PPFIA2: variants seen among roughly 807,000 people sequenced by gnomAD.
The protein encoded by PPFIA2 is PPFI scaffold protein A2, also known as liprin-alpha-2.
Under a neutral mutation model 175.5 loss-of-function variants are expected in PPFIA2, and 46 were observed. The ratio of observed to expected loss-of-function variants is 0.26; its 90% CI spans 0.21 to 0.34. The LOEUF (loss-of-function observed/expected upper bound fraction) is 0.34, where lower values mean the gene tolerates loss of function less well. Ranked by LOEUF, PPFIA2 falls within the 10% of genes least tolerant of loss-of-function variation. The pLI, the probability that PPFIA2 is intolerant of heterozygous loss-of-function variation, is 1.00. For synonymous variants in PPFIA2, 568 were observed against 511.4 expected, an observed-to-expected ratio of 1.11 and a Z score of -1.49; for missense variants, 1,179 against 1,506.1, an observed-to-expected ratio of 0.78 and a Z score of 3.60.
chr12:81,671,365 A>G (rs1410069587), intron 4 of PPFIA2, among the ~76,000 whole-genome samples: 2 of 151,890 alleles, frequency 1.3e-5, no homozygotes, highest in Non-Finnish European at 2.9e-5. Flanking sequence ...TTTATTAACC[A>G]TCTAATTTTT....
intron 3 of PPFIA2, among the ~76,000 whole-genome samples, chr12:81,690,762 G>T (rs1479697046): frequency 2.0e-5 from 3 of 152,074 alleles, no homozygotes; most frequent in African/African-American, 7.2e-5. Context: ...TAAAAATCAA[G>T]GTGTTGGCAG....
chr12:81,678,028 A>G (rs2059633762), intron 3 of PPFIA2, among the ~76,000 whole-genome samples: 1 of 151,906 alleles, frequency 6.6e-6, no homozygotes, highest in South Asian at 2.1e-4. Flanking sequence ...CCCAAATGAA[A>G]AAAACACAAC....
At chr12:81,535,514 A>G (rs2065245363) in intron 4 of PPFIA2, 1 of 453,530 alleles carries the variant, frequency 2.2e-6, no homozygotes, top group Non-Finnish European at 4.4e-6. Context: ...TGAGACACCT[A>G]AAATGAAGAA....
intron 4 of PPFIA2, among the ~76,000 whole-genome samples, chr12:81,562,075 A>G (rs2070218953): frequency 6.6e-6 from 1 of 152,188 alleles, no homozygotes; most frequent in African/African-American, 2.4e-5. Context: ...CTTTTATTCT[A>G]AAGTTTTGTT....
chr12:81,752,115 C>T (rs1352385404), intron 3 of PPFIA2, among the ~76,000 whole-genome samples: 1 of 152,156 alleles, frequency 6.6e-6, no homozygotes, highest in Non-Finnish European at 1.5e-5. Flanking sequence ...CACACTGCAG[C>T]ATCTATGCAA....
At chr12:81,535,017 C>T (rs1236455218) in intron 4 of PPFIA2, among the ~76,000 whole-genome samples, 2 of 151,604 alleles carry the variant, frequency 1.3e-5, no homozygotes, top group African/African-American at 4.8e-5. Context: ...GGTGTTATGG[C>T]CACCATGCAA....
intron 9 of PPFIA2, among the ~76,000 whole-genome samples, chr12:81,376,145 A>G (rs988820539): frequency 1.1e-4 from 16 of 152,192 alleles, no homozygotes; most frequent in African/African-American, 3.9e-4. Flanking sequence ...TCTTCGGTTA[A>G]CCAAAAGCTT....
chr12:81,318,681 C>T (rs1168028799), intron 22 of PPFIA2, among the ~76,000 whole-genome samples: 2 of 151,718 alleles, frequency 1.3e-5, no homozygotes, highest in African/African-American at 4.8e-5. Flanking sequence ...ATCATCAATT[C>T]ATTTGTGAAG....
intron 7 of PPFIA2, among the ~76,000 whole-genome samples, chr12:81,422,375 GACT>G (rs1329842897): frequency 3.3e-5 from 5 of 151,976 alleles, no homozygotes; most frequent in Non-Finnish European, 7.4e-5. Context: ...CCTGCTGCAT[GACT>G]ACTTTTAACT....
At chr12:81,424,101 A>G (rs975587959) in intron 7 of PPFIA2, among the ~76,000 whole-genome samples, 1 of 152,058 alleles carries the variant, frequency 6.6e-6, no homozygotes, top group Admixed American at 6.6e-5. Flanking sequence ...CATACTCAAC[A>G]ATCTTTTAAT....
At position 81,286,478 on chromosome 12, in the gene PPFIA2, G is replaced by T. The variant is rs566140380; in HGVS notation, c.2926-2175C>A. Among the ~76,000 whole-genome samples, 9 of 152,008 alleles carry T rather than the reference G, an allele frequency of 5.9e-5. No homozygotes were observed. The South Asian group carries it at 1.9e-3, about 32-fold the overall frequency. ...TTTGGATACACAAATACTTACCACA[G>T]TGTTACATTTGCCTACAGTATTCAG... On this transcript the variant is annotated intron_variant, in intron 24 of 32. Transcript: ENST00000549396.
intron 4 of PPFIA2, among the ~76,000 whole-genome samples, chr12:81,466,575 G>A (rs1377480861): frequency 5.9e-5 from 9 of 152,006 alleles, no homozygotes; most frequent in Admixed American, 5.9e-4. Context: ...GCTTTGCTTT[G>A]TGGACACCAA....
chr12:81,661,710 C>A (rs1252302935), intron 4 of PPFIA2, among the ~76,000 whole-genome samples: 3 of 152,194 alleles, frequency 2.0e-5, no homozygotes, highest in Non-Finnish European at 4.4e-5. Context: ...TAATAGACAT[C>A]TACAGAACTC....
At chr12:81,627,842 T>A (rs2062904390) in intron 4 of PPFIA2, among the ~76,000 whole-genome samples, 1 of 152,132 alleles carries the variant, frequency 6.6e-6, no homozygotes, top group Non-Finnish European at 1.5e-5. Flanking sequence ...TTCCATCTAG[T>A]AAATGCTTCG....
intron 22 of PPFIA2, among the ~76,000 whole-genome samples, chr12:81,317,963 T>G (rs1252288737): frequency 2.0e-5 from 3 of 151,648 alleles, no homozygotes; most frequent in Admixed American, 2.0e-4. Flanking sequence ...ATAATTATGG[T>G]GAACAATTCC....
At chr12:81,302,246 C>T in intron 22 of PPFIA2, 1 of 390,024 alleles carries the variant, frequency 2.6e-6, no homozygotes, top group South Asian at 1.9e-5. Flanking sequence ...CATCTTACCT[C>T]CTCTTGAGCT....
At position 81,362,769 on chromosome 12, in the gene PPFIA2, C is replaced by G. The variant is rs760401095; in HGVS notation, c.1561G>C (p.Glu521Gln). 3 of 1,544,922 alleles carry G rather than the reference C, an allele frequency of 1.9e-6. No individual in the cohort carries two copies. The highest frequency in any genetic ancestry group is 2.4e-5 in the South Asian group (2 of 83,696). Residue 521 changes from glutamate (E) to glutamine (Q), a missense_variant, in exon 15 of 33, where the codon GAA (glutamate) becomes CAA (glutamine). By Grantham distance (29) the Glu-to-Gln change is conservative (BLOSUM62 2). This residue lies in a region of PPFIA2 where 186 missense variants were observed against 163.6 expected (regional missense o/e 1.14). Transcript: ENST00000549396. ...SLHDKERLAE[E>Q]IEKLRSELDQ... ...AGTTCAGATCTCAGCTTTTCAATTTCTTCTGCTAATCTTTCCTAAAAAATC... is the reference window on the plus strand; with the variant it reads ...AGTTCAGATCTCAGCTTTTCAATTTGTTCTGCTAATCTTTCCTAAAAAATC...
intron 4 of PPFIA2, among the ~76,000 whole-genome samples, chr12:81,494,495 G>T (rs1490195997): frequency 6.6e-6 from 1 of 151,918 alleles, no homozygotes; most frequent in African/African-American, 2.4e-5. Flanking sequence ...CACTGTTGGT[G>T]GGACTGTAAA....
chr12:81,440,391 CT>C (rs1488447298), intron 6 of PPFIA2, among the ~76,000 whole-genome samples: 3 of 152,132 alleles, frequency 2.0e-5, no homozygotes, highest in African/African-American at 7.2e-5. Flanking sequence ...AAAATAGTCA[CT>C]GTTTAAGCAT....
Sources: allele counts gnomAD v4.1 joint callset (sites outside exome capture counted in the v4.1 genomes callset), GRCh38; gene constraint gnomAD v4.1.1; regional missense constraint gnomAD v4.1.1; transcripts MANE v1.5; gene names NCBI Gene and HGNC (gene_info 2026-07-23, HGNC 2026-07-21).